The following MACROD2 variants were observed in gnomAD, a reference collection of about 807,000 sequenced individuals.
MACROD2 encodes ADP-ribose glycohydrolase MACROD2.
In MACROD2, 36 loss-of-function variants were observed where a neutral mutation model predicts 70.4. That is an observed-to-expected ratio of 0.51 (90% confidence interval 0.39 to 0.68). The LOEUF is 0.68. MACROD2 is among the 30% of genes least tolerant of loss of function. The pLI is 0.00. For missense variants in MACROD2, 496 were observed against 538.4 expected, an observed-to-expected ratio of 0.92 and a Z score of 0.78; for synonymous variants, 172 against 178.8, an observed-to-expected ratio of 0.96 and a Z score of 0.30.
intron 5 of MACROD2, among the ~76,000 whole-genome samples, chr20:14,989,904 C>T (rs1281139363): frequency 6.6e-6 from 1 of 152,062 alleles, no homozygotes; most frequent in African/African-American, 2.4e-5. Context: ...TTCTATGTTC[C>T]TACAATCACC....
chr20:14,156,479 C>G (rs2055106012), intron 3 of MACROD2, among the ~76,000 whole-genome samples: 1 of 152,134 alleles, frequency 6.6e-6, no homozygotes, highest in Non-Finnish European at 1.5e-5. Context: ...CTTGTAGTAC[C>G]TAAAATGACA....
intron 3 of MACROD2, among the ~76,000 whole-genome samples, chr20:14,348,080 G>A (rs911418734): frequency 1.3e-5 from 2 of 151,930 alleles, no homozygotes. Context: ...TGGCCAGCAT[G>A]TTGAAACCCT....
At chr20:15,139,125 C>T (rs1436372501) in intron 5 of MACROD2, among the ~76,000 whole-genome samples, 1 of 152,028 alleles carries the variant, frequency 6.6e-6, no homozygotes, top group Non-Finnish European at 1.5e-5. Flanking sequence ...CGTTTTGGCC[C>T]CTGTGAATAT....
At chr20:15,520,368 G>A (rs2047636231) in intron 8 of MACROD2, among the ~76,000 whole-genome samples, 1 of 152,190 alleles carries the variant, frequency 6.6e-6, no homozygotes, top group Admixed American at 6.5e-5. Flanking sequence ...TCCCCAACAT[G>A]GTGGAACCAC....
chr20:15,592,539 C>T (rs2048693403), intron 8 of MACROD2, among the ~76,000 whole-genome samples: 1 of 152,200 alleles, frequency 6.6e-6, no homozygotes, highest in Admixed American at 6.5e-5. Context: ...TAATTTAAAG[C>T]TCACAGTCAT....
intron 5 of MACROD2, among the ~76,000 whole-genome samples, chr20:14,907,409 G>A (rs1333078251): frequency 1.3e-5 from 2 of 152,158 alleles, no homozygotes; most frequent in African/African-American, 4.8e-5. Flanking sequence ...CCTGGATGAA[G>A]CCAAGAACGC....
At chr20:14,702,695 A>G (rs1261209656) in intron 5 of MACROD2, among the ~76,000 whole-genome samples, 2 of 138,716 alleles carry the variant, frequency 1.4e-5, no homozygotes, top group African/African-American at 5.3e-5. Flanking sequence ...GTGTATATAT[A>G]TGTATATATA....
intron 5 of MACROD2, among the ~76,000 whole-genome samples, chr20:15,064,937 C>T (rs530074816): frequency 6.6e-6 from 1 of 152,326 alleles, no homozygotes; most frequent in South Asian, 2.1e-4. Flanking sequence ...CCAAATAGCA[C>T]ATCCTGTTCC....
At chr20:15,862,695 G>A in intron 8 of MACROD2, 50 bp from the exon 9 acceptor site, 1 of 1,460,938 alleles carries the variant, frequency 6.8e-7, no homozygotes. Flanking sequence ...TCCTGGCAGG[G>A]CAATTGCCAT....
intron 3 of MACROD2, among the ~76,000 whole-genome samples, chr20:14,375,178 A>T (rs1292195878): frequency 1.3e-5 from 2 of 152,200 alleles, no homozygotes; most frequent in African/African-American, 2.4e-5. Context: ...CAAATAAAAA[A>T]TACTCTATAG....
At chr20:14,336,929 G>T (rs193297612) in intron 3 of MACROD2, among the ~76,000 whole-genome samples, 4 of 152,144 alleles carry the variant, frequency 2.6e-5, no homozygotes, top group Non-Finnish European at 5.9e-5. Flanking sequence ...GGAGTAGCTC[G>T]GCTAGCTGTG....
At chr20:15,123,404 C>T (rs541176393) in intron 5 of MACROD2, among the ~76,000 whole-genome samples, 38 of 152,252 alleles carry the variant, frequency 2.5e-4, no homozygotes, top group African/African-American at 8.9e-4. Context: ...TGGCCACTAG[C>T]CTCCTGTGGA....
At chr20:14,616,752 C>T (rs1221276377) in intron 4 of MACROD2, among the ~76,000 whole-genome samples, 1 of 152,072 alleles carries the variant, frequency 6.6e-6, no homozygotes, top group East Asian at 1.9e-4. Flanking sequence ...ATGAACTGAT[C>T]ATCCCATAAT....
chr20:15,280,146 T>G (rs1395116015), intron 6 of MACROD2, among the ~76,000 whole-genome samples: 2 of 152,196 alleles, frequency 1.3e-5, no homozygotes, highest in East Asian at 3.9e-4. Context: ...ATTTTCTAAA[T>G]TTTTATAACA....
chr20:15,457,030 G>A (rs1394146202), intron 7 of MACROD2, among the ~76,000 whole-genome samples: 3 of 146,574 alleles, frequency 2.0e-5, no homozygotes, highest in African/African-American at 7.6e-5. Context: ...AAAAGGGAAT[G>A]CTATTCATTT....
intron 2 of MACROD2, among the ~76,000 whole-genome samples, chr20:14,011,874 T>A (rs928986571): frequency 6.6e-6 from 1 of 151,888 alleles, no homozygotes; most frequent in Non-Finnish European, 1.5e-5. Flanking sequence ...GCCTTCTGCC[T>A]CTTGGTCAAC....
At chr20:14,508,248 C>G (rs2084990902) in intron 4 of MACROD2, among the ~76,000 whole-genome samples, 1 of 152,204 alleles carries the variant, frequency 6.6e-6, no homozygotes. Flanking sequence ...CCTCAACATA[C>G]AGTCAGTCTG....
chr20:14,985,210 C>T (rs1453582322), intron 5 of MACROD2, among the ~76,000 whole-genome samples: 2 of 152,178 alleles, frequency 1.3e-5, no homozygotes, highest in African/African-American at 2.4e-5. Context: ...ACACTTCACT[C>T]AATTGCATTT....
At chr20:15,266,490 G>A (rs2077295678) in intron 6 of MACROD2, among the ~76,000 whole-genome samples, 1 of 152,172 alleles carries the variant, frequency 6.6e-6, no homozygotes, top group African/African-American at 2.4e-5. Flanking sequence ...ACAGTTAAAG[G>A]AGAAAGGATG....
Sources: gnomAD v4.1 joint callset for allele counts (sites outside exome capture counted in the v4.1 genomes callset) on GRCh38, gnomAD v4.1.1 for gene constraint, MANE v1.5 for transcripts, NCBI Gene and HGNC (gene_info 2026-07-23, HGNC 2026-07-21) for gene names.